GK5: variants seen among roughly 807,000 people sequenced by gnomAD.
GK5 encodes ATP:glycerol 3-phosphotransferase 5.
GK5 carries 39 observed loss-of-function variants against 77.3 expected under a neutral mutation model. The ratio of observed to expected loss-of-function variants is 0.50; its 90% CI spans 0.39 to 0.66. The LOEUF is 0.66. Ranked by LOEUF, GK5 falls within the 30% of genes least tolerant of loss-of-function variation. The probability of loss-of-function intolerance (pLI) is 0.00; values close to 1 mark genes in which losing one functional copy is unlikely to be tolerated. For synonymous variants in GK5, 211 were observed against 208.0 expected, an observed-to-expected ratio of 1.01 and a Z score of -0.13; for missense variants, 487 against 633.8, an observed-to-expected ratio of 0.77 and a Z score of 2.49.
At chr3:142,181,077 GC>G (rs1281008402) in intron 11 of GK5, among the ~76,000 whole-genome samples, 2 of 152,134 alleles carry the variant, frequency 1.3e-5, no homozygotes, top group Non-Finnish European at 2.9e-5. Flanking sequence ...TACGTGAACA[GC>G]ATTTCATTAT....
chr3:142,205,598 C>T (rs2064093742), intron 3 of GK5, among the ~76,000 whole-genome samples: 1 of 152,188 alleles, frequency 6.6e-6, no homozygotes, highest in African/African-American at 2.4e-5. Flanking sequence ...ACCTGGCCTT[C>T]CAACTCACTG....
rs1339027618 is a variant in GK5 at position 142,160,499 on chromosome 3, C to T, written c.*5123G>A. The stretch of plus-strand genomic sequence containing the variant: ...GGGCTGGACTGTTTTAAATTAAAGA[C>T]TGGTCCCTTACAGGAGGGGCTATTT... On this transcript the variant is annotated 3_prime_UTR_variant, in exon 16 of 16. Coordinates refer to ENST00000392993, the MANE Select transcript of GK5 (RefSeq NM_001039547.3). 3 of 152,114 alleles carry T rather than the reference C, an allele frequency of 2.0e-5. No individual in the cohort carries two copies. The East Asian group carries it at 5.8e-4, about 29-fold the overall frequency. 9.4% of individuals were successfully genotyped at this position (152,114 alleles called of 1,614,324 possible). A position where few individuals can be genotyped will look rare whatever the true frequency, so the allele number is the denominator to read the frequency against.
At chr3:142,173,137 G>C (rs1237658254) in intron 12 of GK5, 1 of 420,260 alleles carries the variant, frequency 2.4e-6, no homozygotes, top group East Asian at 7.0e-5. Flanking sequence ...GGGGTTTGAG[G>C]CTGCAATGAG....
chr3:142,198,731 T>C (rs2063972263), intron 5 of GK5, 71 bp downstream of exon 5: 13 of 1,291,438 alleles, frequency 1.0e-5, no homozygotes, highest in Non-Finnish European at 1.4e-5. Flanking sequence ...CTTTAATTTT[T>C]TCTTCCCCAT....
chr3:142,213,370 A>G (rs1261875881), intron 3 of GK5, among the ~76,000 whole-genome samples, 156 bp downstream of exon 3: 1 of 152,244 alleles, frequency 6.6e-6, no homozygotes, highest in African/African-American at 2.4e-5. Context: ...ACATGCAGTG[A>G]GCATACAAGC....
chr3:142,202,827 T>A (rs2064047497), intron 4 of GK5, among the ~76,000 whole-genome samples: 1 of 152,150 alleles, frequency 6.6e-6, no homozygotes, highest in East Asian at 1.9e-4. Flanking sequence ...CATGGCGGCA[T>A]GTGCCTGTAA....
At chr3:142,171,386 TA>T in intron 14 of GK5, 32 bp downstream of exon 14, 1 of 1,439,122 alleles carries the variant, frequency 6.9e-7, no homozygotes. Context: ...TTCTAATTTC[TA>T]ATTAAGTCTA....
At position 142,159,853 on chromosome 3, in the gene GK5, C is replaced by CTCTCTTTTTTTTTTTTTTTTTTTT. The variant is rs1553825247; in HGVS notation, c.*5768_*5769insAAAAAAAAAAAAAAAAAAAAGAGA. 19 of 106,120 alleles carry CTCTCTTTTTTTTTTTTTTTTTTTT rather than the reference C, an allele frequency of 1.8e-4. No individual in the cohort carries two copies. Among genetic ancestry groups the CTCTCTTTTTTTTTTTTTTTTTTTT allele is most frequent in the Non-Finnish European group, 3.2e-4 (17 of 53,068 alleles). 6.6% of individuals were successfully genotyped at this position (106,120 alleles called of 1,614,324 possible). ...TTTCTCTCTCTCTCTCTCTCTCTCT[C>CTCTCTTTTTTTTTTTTTTTTTTTT]TTTTTTTTTTTTGAGACAGAGTCTC... On this transcript the variant is annotated 3_prime_UTR_variant, in exon 16 of 16. Transcript: ENST00000392993.
At chr3:142,196,784 C>T (rs2063940170) in intron 5 of GK5, among the ~76,000 whole-genome samples, 1 of 152,126 alleles carries the variant, frequency 6.6e-6, no homozygotes, top group Admixed American at 6.6e-5. Flanking sequence ...AGTGTATATT[C>T]TGTTCTTGGG....
Position 142,204,801 on chromosome 3 carries a change from A to G in GK5, c.318-13T>C. The G allele has an allele frequency of 1.4e-6, 2 of 1,437,646 alleles. No individual in the cohort carries two copies. The highest frequency in any genetic ancestry group is 1.9e-6 in the Non-Finnish European group (2 of 1,036,182). The allele number at this position is 1,437,646 out of a possible 1,614,324, so 89.1% of individuals were successfully genotyped here. Reference sequence around the variant, plus strand: ...ATTTCCTGTTTTCCTAGAAAGAATAAAACAGTATTTTGAGACCCAGCATAA... The same window carrying G: ...ATTTCCTGTTTTCCTAGAAAGAATAGAACAGTATTTTGAGACCCAGCATAA... On this transcript the variant is annotated splice_polypyrimidine_tract_variant and intron_variant, in intron 3 of 15. Coordinates refer to ENST00000392993, the MANE Select transcript of GK5 (RefSeq NM_001039547.3).
chr3:142,217,031 A>G (rs572713133), intron 1 of GK5, among the ~76,000 whole-genome samples: 6 of 152,252 alleles, frequency 3.9e-5, no homozygotes, highest in Non-Finnish European at 8.8e-5. Flanking sequence ...AATTTCTTGG[A>G]TACAATCCAA....
Position 142,225,568 on chromosome 3 carries a change from G to A in GK5, c.-113C>T. On this transcript the variant is annotated 5_prime_UTR_variant, in exon 1 of 16. Coordinates refer to ENST00000392993, the MANE Select transcript of GK5 (RefSeq NM_001039547.3). ...CCCGGGCCCCAACCCGGCTCAGCCG[G>A]AGAGCCTAGAGAGGCCTGGCCCCTG... 2.3e-6 allele frequency: 3 copies of A among 1,306,722 alleles called. No homozygotes were observed. Among genetic ancestry groups the A allele is most frequent in the South Asian group, 1.4e-5 (1 of 70,124 alleles). The allele number at this position is 1,306,722 out of a possible 1,614,324, so 80.9% of individuals were successfully genotyped here.
At chr3:142,210,264 G>GA (rs2064173737) in intron 3 of GK5, among the ~76,000 whole-genome samples, 1 of 152,054 alleles carries the variant, frequency 6.6e-6, no homozygotes. Flanking sequence ...GATGCAGGAG[G>GA]AAAAAAACAA....
chr3:142,187,350 T>C (rs2063787011), intron 6 of GK5, among the ~76,000 whole-genome samples: 1 of 151,032 alleles, frequency 6.6e-6, no homozygotes, highest in Non-Finnish European at 1.5e-5. Flanking sequence ...ACGCCTGTAA[T>C]CCCAGCACTT....
At position 142,216,954 on chromosome 3, in the gene GK5, A is replaced by G. The variant is rs866969571; in HGVS notation, c.148-1262T>C. 5.3e-5 allele frequency among the ~76,000 whole-genome samples: 8 copies of G among 152,324 alleles called. 1 individual carries two copies. Among genetic ancestry groups the G allele is most frequent in the Admixed American group, 1.3e-4 (2 of 15,298 alleles). Reference sequence around the variant, plus strand: ...ACCCAAATGCAATAAATACCTGCTAAAAGAAAAACAACAAAAATCCTCATA... The same window carrying G: ...ACCCAAATGCAATAAATACCTGCTAGAAGAAAAACAACAAAAATCCTCATA... On this transcript the variant is annotated intron_variant, in intron 1 of 15. Transcript: ENST00000392993.
At chr3:142,224,505 A>T (rs903139332) in intron 1 of GK5, among the ~76,000 whole-genome samples, 7 of 152,382 alleles carry the variant, frequency 4.6e-5, no homozygotes, top group Middle Eastern at 3.4e-3. Flanking sequence ...CTTCATTAAT[A>T]TGAGAACAGA....
At chr3:142,178,951 A>G (rs1577112896) in intron 11 of GK5, among the ~76,000 whole-genome samples, 1 of 152,128 alleles carries the variant, frequency 6.6e-6, no homozygotes. Flanking sequence ...TATGTTTTTC[A>G]ATTTAGCTAT....
At chr3:142,196,000 T>A (rs1362006718) in intron 5 of GK5, among the ~76,000 whole-genome samples, 1 of 152,222 alleles carries the variant, frequency 6.6e-6, no homozygotes, top group Non-Finnish European at 1.5e-5. Context: ...TACTTCAATC[T>A]CTTTACTTGT....
chr3:142,175,857 AATT>A (rs1369370596), intron 12 of GK5, among the ~76,000 whole-genome samples: 3 of 142,858 alleles, frequency 2.1e-5, no homozygotes, highest in Non-Finnish European at 4.7e-5. Flanking sequence ...TAATATATAT[AATT>A]ATTATATTAT....
Sources: allele counts gnomAD v4.1 joint callset (sites outside exome capture counted in the v4.1 genomes callset), GRCh38; gene constraint gnomAD v4.1.1; transcripts MANE v1.5; gene names NCBI Gene and HGNC (gene_info 2026-07-23, HGNC 2026-07-21).